RHBDL3: variants seen among roughly 807,000 people sequenced by gnomAD.
RHBDL3 encodes rhomboid like 3.
In RHBDL3, 28 loss-of-function variants were observed where a neutral mutation model predicts 48.2. The observed-to-expected ratio is 0.58, with a 90% CI of 0.43 to 0.80. The LOEUF is 0.80. Ranked by LOEUF, RHBDL3 falls within the 30% of genes least tolerant of loss-of-function variation. RHBDL3 has a pLI of 0.00. For synonymous variants in RHBDL3, 208 were observed against 232.3 expected, an observed-to-expected ratio of 0.90 and a Z score of 0.95; for missense variants, 464 against 542.7, an observed-to-expected ratio of 0.85 and a Z score of 1.44.
intron 2 of RHBDL3, among the ~76,000 whole-genome samples, chr17:32,271,273 A>G (rs1162350262): frequency 2.6e-5 from 4 of 152,188 alleles, no homozygotes; most frequent in Non-Finnish European, 5.9e-5. Context: ...ATCACTTATT[A>G]AGTAAGCCTT....
intron 6 of RHBDL3, among the ~76,000 whole-genome samples, chr17:32,299,028 C>T (rs1324315090): frequency 6.6e-6 from 1 of 150,512 alleles, no homozygotes; most frequent in Admixed American, 6.7e-5. Context: ...CGTGATGTCT[C>T]CAACTTTATT....
chr17:32,305,879 C>G (rs1412850698), intron 7 of RHBDL3, among the ~76,000 whole-genome samples: 1 of 150,356 alleles, frequency 6.7e-6, no homozygotes, highest in Non-Finnish European at 1.5e-5. Context: ...GATCGCGCCA[C>G]TGCACTCCAG....
intron 4 of RHBDL3, among the ~76,000 whole-genome samples, chr17:32,291,883 T>G (rs112422360): frequency 2.5e-4 from 38 of 151,230 alleles, no homozygotes; most frequent in African/African-American, 9.2e-4. Flanking sequence ...GCAATTCTCC[T>G]GCCTCAGCCT....
rs1193640394 is a variant in RHBDL3 at position 32,268,419 on chromosome 17, G to C, written c.135+494G>C. On this transcript the variant is annotated intron_variant, in intron 2 of 8. Coordinates refer to ENST00000269051, the MANE Select transcript of RHBDL3 (RefSeq NM_138328.3). Reference sequence around the variant, plus strand: ...CTTTAATTCTGTCATAGGGATGAGGGAGTGCTGGGAGGTTACAGAGGGGAA... The same window carrying C: ...CTTTAATTCTGTCATAGGGATGAGGCAGTGCTGGGAGGTTACAGAGGGGAA... Among the ~76,000 whole-genome samples the C allele has an allele frequency of 3.3e-5, 5 of 152,224 alleles. No homozygotes were observed. The East Asian group carries it at 7.7e-4, about 23-fold the overall frequency.
chr17:32,288,962 C>G lies in RHBDL3; in HGVS notation c.465C>G (p.Asp155Glu), dbSNP rs752387425. ...AAATTGACCGCAAGTGGTACTATGA[C>G]AGCTACACCTGCTGCCCCCCACCCT... Reference protein sequence around the residue: ...PREIDRKWYYDSYTCCPPPWF... With the variant: ...PREIDRKWYYESYTCCPPPWF... Residue 155 changes from aspartate to glutamate, a missense_variant, in exon 4 of 9, where the codon GAC (aspartate) becomes GAG (glutamate). Coordinates refer to ENST00000269051, the MANE Select transcript of RHBDL3 (RefSeq NM_138328.3). 6.2e-7 allele frequency: 1 copy of G among 1,614,216 alleles called. No individual in the cohort carries two copies. The highest frequency in any genetic ancestry group is 1.1e-5 in the South Asian group (1 of 91,080).
At chr17:32,275,440 G>T (rs1333657750) in intron 2 of RHBDL3, among the ~76,000 whole-genome samples, 2 of 152,242 alleles carry the variant, frequency 1.3e-5, no homozygotes, top group African/African-American at 2.4e-5. Context: ...AGGAGGAGAA[G>T]GGGCTGCAGG....
chr17:32,292,375 C>G (rs2040351161), intron 4 of RHBDL3, among the ~76,000 whole-genome samples: 1 of 152,168 alleles, frequency 6.6e-6, no homozygotes, highest in Non-Finnish European at 1.5e-5. Flanking sequence ...AGCAATTCCA[C>G]TTCTGAATAT....
chr17:32,317,142 G>A (rs2040995393), intron 8 of RHBDL3, among the ~76,000 whole-genome samples: 1 of 152,106 alleles, frequency 6.6e-6, no homozygotes, highest in African/African-American at 2.4e-5. Context: ...CAAAGTGCTG[G>A]GATTACAGGC....
chr17:32,295,012 A>G (rs1348612950), intron 5 of RHBDL3, among the ~76,000 whole-genome samples: 3 of 152,234 alleles, frequency 2.0e-5, no homozygotes, highest in African/African-American at 7.2e-5. Context: ...ACCCAGGTCC[A>G]TATCCCTTGA....
At chr17:32,281,584 G>A (rs1263601735) in intron 2 of RHBDL3, among the ~76,000 whole-genome samples, 2 of 152,160 alleles carry the variant, frequency 1.3e-5, no homozygotes, top group East Asian at 1.9e-4. Context: ...GGCCAGGCTA[G>A]TGAGACCCTG....
chr17:32,288,658 T>G, intron 3 of RHBDL3, 134 bp from the exon 4 acceptor site: 1 of 647,268 alleles, frequency 1.5e-6, no homozygotes, highest in Non-Finnish European at 2.7e-6. Flanking sequence ...TGAATGTTGC[T>G]TCTTATTAAC....
In RHBDL3 at chr17:32,316,253, C is replaced by T; in HGVS notation, c.904C>T (p.Gln302Ter). ...IVMNWSGMKC[Q>*]FKLLRMAVAL... ...CTAGAACTGGTCAGGCATGAAGTGC[C>T]AGTTCAAGCTGCTGCGGATGGCTGT... The change falls in exon 8 of 9, where the codon CAG becomes TAG. Residue 302 changes from glutamine (Q) to a stop codon, truncating the protein, a stop_gained. Transcript: ENST00000269051. LOFTEE classifies it high-confidence loss of function. 6.2e-7 allele frequency: 1 copy of T among 1,613,814 alleles called. No individual in the cohort carries two copies. The highest frequency in any genetic ancestry group is 1.3e-5 in the African/African-American group (1 of 75,008).
chr17:32,282,623 AT>A (rs1012323142), intron 2 of RHBDL3, among the ~76,000 whole-genome samples: 6 of 150,132 alleles, frequency 4.0e-5, no homozygotes, highest in African/African-American at 9.8e-5. Context: ...TTCTGTGGAG[AT>A]TTTTTTTTTC....
intron 5 of RHBDL3, among the ~76,000 whole-genome samples, chr17:32,297,744 C>G (rs1376132936): frequency 6.8e-6 from 1 of 148,138 alleles, no homozygotes; most frequent in Non-Finnish European, 1.5e-5. Flanking sequence ...AAGTGGTCCT[C>G]CCACCCTGGC....
At position 32,294,293 on chromosome 17, in the gene RHBDL3, G is replaced by T. The variant is rs1323644326; in HGVS notation, c.520-1G>T. On this transcript the variant is annotated splice_acceptor_variant, in intron 4 of 8. Coordinates refer to ENST00000269051, the MANE Select transcript of RHBDL3 (RefSeq NM_138328.3). LOFTEE classifies it high-confidence loss of function. ...TAACAGACTCTCTCTCTTCTGTCCAGGTTGCCTTTTTCCTCTACAATGGGG... is the reference window on the plus strand; with the variant it reads ...TAACAGACTCTCTCTCTTCTGTCCATGTTGCCTTTTTCCTCTACAATGGGG... 2 of 1,613,590 alleles carry T rather than the reference G, an allele frequency of 1.2e-6. No individual in the cohort carries two copies. Among genetic ancestry groups the T allele is most frequent in the South Asian group, 1.1e-5 (1 of 90,974 alleles).
intron 2 of RHBDL3, among the ~76,000 whole-genome samples, chr17:32,271,250 C>T (rs1291724611): frequency 6.6e-6 from 1 of 152,164 alleles, no homozygotes; most frequent in Non-Finnish European, 1.5e-5. Flanking sequence ...GATTCCTATC[C>T]AGCTATGCTA....
chr17:32,276,268 AAGTC>A (rs1215075286), intron 2 of RHBDL3, among the ~76,000 whole-genome samples: 1 of 152,098 alleles, frequency 6.6e-6, no homozygotes, highest in Non-Finnish European at 1.5e-5. Flanking sequence ...AAAATTGTGA[AAGTC>A]AGTATTTTAA....
intron 2 of RHBDL3, among the ~76,000 whole-genome samples, chr17:32,279,379 C>G (rs1216239611): frequency 6.6e-6 from 1 of 152,172 alleles, no homozygotes; most frequent in African/African-American, 2.4e-5. Context: ...CCTCAGTGCC[C>G]TCCCCAGCAC....
rs751701064 is a variant in RHBDL3 at position 32,320,947 on chromosome 17, T to A, written c.944-11T>A. ...CCTCCTGTGACATCTCTCTGCTTCC[T>A]CCCCTTGCAGTGAGCATGGAGTTTG... On this transcript the variant is annotated splice_polypyrimidine_tract_variant and intron_variant, in intron 8 of 8. Transcript: ENST00000269051. 3 of 1,602,328 alleles carry A rather than the reference T, an allele frequency of 1.9e-6. No individual in the cohort carries two copies. Among genetic ancestry groups the A allele is most frequent in the Non-Finnish European group, 1.7e-6 (2 of 1,171,674 alleles).
Sources: allele counts gnomAD v4.1 joint callset (sites outside exome capture counted in the v4.1 genomes callset), GRCh38; gene constraint gnomAD v4.1.1; transcripts MANE v1.5; gene names NCBI Gene and HGNC (gene_info 2026-07-23, HGNC 2026-07-21).